PTPRQ: variants seen among roughly 807,000 people sequenced by gnomAD.
The protein encoded by PTPRQ is phosphatidylinositol phosphatase PTPRQ.
Under a neutral mutation model 246.0 loss-of-function variants are expected in PTPRQ, and 199 were observed. The observed-to-expected ratio is 0.81, with a 90% CI of 0.72 to 0.91. The LOEUF is 0.91. Ranked by LOEUF, PTPRQ falls within the 40% of genes least tolerant of loss-of-function variation. PTPRQ has a pLI of 0.00. For synonymous variants in PTPRQ, 869 were observed against 853.2 expected (o/e 1.02, Z -0.32); for missense variants, 2,624 against 2,528.4 (o/e 1.04, Z -0.81).
chr12:80,569,918 T>C (rs941237967), intron 25 of PTPRQ, among the ~76,000 whole-genome samples: 1 of 151,948 alleles, frequency 6.6e-6, no homozygotes, highest in Non-Finnish European at 1.5e-5. Context: ...GAACTCATTC[T>C]TTTTTATGGC....
chr12:80,492,504 C>A (rs1417047677), intron 9 of PTPRQ, among the ~76,000 whole-genome samples: 1 of 151,932 alleles, frequency 6.6e-6, no homozygotes, highest in African/African-American at 2.4e-5. Flanking sequence ...GCCATAACAC[C>A]TTTTCCCCAT....
chr12:80,660,767 G>C (rs1329233008), intron 39 of PTPRQ, among the ~76,000 whole-genome samples: 5 of 151,990 alleles, frequency 3.3e-5, no homozygotes, highest in Non-Finnish European at 7.4e-5. Flanking sequence ...AAAGGATATT[G>C]TGTCCCTGAA....
Position 80,541,715 on chromosome 12 carries a change from A to G in PTPRQ, c.3315A>G (p.Thr1105=), listed in dbSNP as rs377112806. ...TPRHVRPPLV[T]YERSIYFDNL... is the part of the protein sequence containing the mutation. Reference sequence around the variant, plus strand: ...GCCATGTGAGACCACCTCTTGTTACATATGAGAGAAGCATATATTTTGATA... The same window carrying G: ...GCCATGTGAGACCACCTCTTGTTACGTATGAGAGAAGCATATATTTTGATA... The change falls in exon 21 of 45, where the codon ACA becomes ACG. Residue 1105 remains threonine (T), a synonymous_variant. Transcript: ENST00000644991. The G allele has an allele frequency of 6.4e-7, 1 of 1,551,268 alleles. No individual in the cohort carries two copies. Among genetic ancestry groups the G allele is most frequent in the Non-Finnish European group, 8.7e-7 (1 of 1,146,746 alleles).
intron 40 of PTPRQ, 90 bp downstream of exon 40, chr12:80,669,231 T>G: frequency 6.5e-7 from 1 of 1,528,042 alleles, no homozygotes; most frequent in Non-Finnish European, 8.8e-7. Context: ...GAGTCATCAA[T>G]AACCTGGACA....
intron 32 of PTPRQ, among the ~76,000 whole-genome samples, chr12:80,621,048 T>C (rs1352932882): frequency 3.9e-5 from 6 of 151,940 alleles, no homozygotes; most frequent in Non-Finnish European, 8.8e-5. Context: ...TTTCAAAATA[T>C]AATTTTTACT....
chr12:80,449,258 G>A, intron 3 of PTPRQ, among the ~76,000 whole-genome samples: 1 of 151,542 alleles, frequency 6.6e-6, no homozygotes, highest in Non-Finnish European at 1.5e-5. Context: ...TGAGTTCATT[G>A]TAGGTTCTGG....
chr12:80,578,376 A>AT (rs1897332634), intron 25 of PTPRQ, among the ~76,000 whole-genome samples: 1 of 151,438 alleles, frequency 6.6e-6, no homozygotes, highest in Non-Finnish European at 1.5e-5. Flanking sequence ...ATGGGAAAAA[A>AT]TTTTTATTTT....
At chr12:80,529,386 CAGGGTAGATTATGCACATGG>C (rs1240027210) in intron 17 of PTPRQ, among the ~76,000 whole-genome samples, 1 of 152,092 alleles carries the variant, frequency 6.6e-6, no homozygotes, top group African/African-American at 2.4e-5. Context: ...GATGTATCAT[CAGGGTAGATTATGCACATGG>C]AACAAAATAT....
At chr12:80,466,998 T>A (rs1893444099) in intron 6 of PTPRQ, among the ~76,000 whole-genome samples, 1 of 152,114 alleles carries the variant, frequency 6.6e-6, no homozygotes, top group Admixed American at 6.5e-5. Context: ...AAAGCCAAAA[T>A]TGACAAATGG....
intron 25 of PTPRQ, among the ~76,000 whole-genome samples, chr12:80,585,979 T>C (rs1897603722): frequency 6.7e-6 from 1 of 149,774 alleles, no homozygotes; most frequent in South Asian, 2.1e-4. Context: ...TGAGAATATG[T>C]GGTGTTTGGT....
chr12:80,489,405 A>C (rs1237506696), intron 9 of PTPRQ, among the ~76,000 whole-genome samples: 3 of 152,130 alleles, frequency 2.0e-5, no homozygotes, highest in African/African-American at 7.2e-5. Flanking sequence ...ACATGAGTAA[A>C]AGTATTTAAC....
chr12:80,634,676 C>A, intron 34 of PTPRQ: 1 of 320,312 alleles, frequency 3.1e-6, no homozygotes, highest in Non-Finnish European at 5.7e-6. Context: ...TTTAAATGTA[C>A]CAATGGCTCA....
intron 25 of PTPRQ, among the ~76,000 whole-genome samples, chr12:80,562,492 AG>A (rs1460228089): frequency 6.6e-6 from 1 of 152,224 alleles, no homozygotes; most frequent in Non-Finnish European, 1.5e-5. Flanking sequence ...CAAACAAGTT[AG>A]AAAAAGCAAC....
intron 35 of PTPRQ, among the ~76,000 whole-genome samples, chr12:80,636,271 A>G (rs975579484): frequency 1.3e-5 from 2 of 152,356 alleles, no homozygotes; most frequent in Non-Finnish European, 2.9e-5. Flanking sequence ...GTTATCCAAG[A>G]CATAGTTTTC....
chr12:80,642,300 A>G (rs572714057), intron 35 of PTPRQ, among the ~76,000 whole-genome samples: 1 of 152,106 alleles, frequency 6.6e-6, no homozygotes, highest in Non-Finnish European at 1.5e-5. Context: ...GGTATCTCCT[A>G]TTCATTGAGT....
chr12:80,613,413 G>C (rs1358391733), intron 28 of PTPRQ, among the ~76,000 whole-genome samples, 179 bp from the exon 29 acceptor site: 1 of 150,624 alleles, frequency 6.6e-6, no homozygotes, highest in Non-Finnish European at 1.5e-5. Context: ...TATGGTTGCT[G>C]TGAATTACAG....
Position 80,620,425 on chromosome 12 carries a change from T to C in PTPRQ, c.5612+49T>C, listed in dbSNP as rs1363578376. The C allele has an allele frequency of 1.9e-6, 3 of 1,541,928 alleles. No homozygotes were observed. In the South Asian group the frequency reaches 3.6e-5, roughly 19 times the overall value. On this transcript the variant is annotated intron_variant, in intron 32 of 44. Transcript: ENST00000644991. The stretch of plus-strand genomic sequence containing the variant: ...TGCATTCTGTTAGCAAGCTAGTTAG[T>C]ATCTTTCATCCATCCATCTGCCTGT...
rs577809600 is a variant in PTPRQ at position 80,656,442 on chromosome 12, G to A, written c.6116-1543G>A. On this transcript the variant is annotated intron_variant, in intron 38 of 44. Coordinates refer to ENST00000644991, the MANE Select transcript of PTPRQ (RefSeq NM_001145026.2). ...ATATGTATGGTAGGCAGATCATCTA[G>A]AATTCAGACCCAATCCTGTTTACCC... is the stretch of plus-strand genomic sequence containing the variant. Among the ~76,000 whole-genome samples, 16 of 152,152 alleles carry A rather than the reference G, an allele frequency of 1.1e-4. 1 individual carries two copies. In the East Asian group the frequency reaches 2.9e-3, roughly 28 times the overall value.
rs993374020 is a variant in PTPRQ, at chr12:80,480,239, T to A, written c.1187-4194T>A. On this transcript the variant is annotated intron_variant, in intron 8 of 44. Coordinates refer to ENST00000644991, the MANE Select transcript of PTPRQ (RefSeq NM_001145026.2). ...GAATCTCACTCAAAACTGCTCAACTTCATGGAAACTGAACAACCTGCTCCT... is the reference window on the plus strand; with the variant it reads ...GAATCTCACTCAAAACTGCTCAACTACATGGAAACTGAACAACCTGCTCCT... Among the ~76,000 whole-genome samples the A allele has an allele frequency of 2.4e-3, 366 of 152,006 alleles. 2 individuals are homozygous for A. The highest frequency in any genetic ancestry group is 8.1e-3 in the African/African-American group (333 of 41,330).
Sources: allele counts gnomAD v4.1 joint callset (sites outside exome capture counted in the v4.1 genomes callset), GRCh38; gene constraint gnomAD v4.1.1; transcripts MANE v1.5; gene names NCBI Gene and HGNC (gene_info 2026-07-23, HGNC 2026-07-21).